ZNF407: variants seen among roughly 807,000 people sequenced by gnomAD.
ZNF407 encodes zinc finger protein 407.
ZNF407 carries 17 observed loss-of-function variants against 131.2 expected under a neutral mutation model. The observed-to-expected ratio is 0.13, with a 90% confidence interval of 0.09 to 0.19. The LOEUF (loss-of-function observed/expected upper bound fraction) is 0.19, where lower values mean the gene tolerates loss of function less well. Ranked by LOEUF, ZNF407 falls within the 10% of genes least tolerant of loss-of-function variation. The pLI, the probability that ZNF407 is intolerant of heterozygous loss-of-function variation, is 1.00. For missense variants in ZNF407, 2,681 were observed against 2,830.6 expected, an observed-to-expected ratio of 0.95 and a Z score of 1.20; for synonymous variants, 1,156 against 1,062.0, an observed-to-expected ratio of 1.09 and a Z score of -1.72.
intron 1 of ZNF407, among the ~76,000 whole-genome samples, chr18:74,616,174 G>A (rs943187783): frequency 3.9e-5 from 6 of 152,256 alleles, no homozygotes; most frequent in Middle Eastern, 6.8e-3. Context: ...TCTTTCATAC[G>A]TGACATTCTG....
chr18:74,718,189 C>G (rs1009577020), intron 3 of ZNF407, among the ~76,000 whole-genome samples: 10 of 151,894 alleles, frequency 6.6e-5, no homozygotes, highest in Admixed American at 2.0e-4. Context: ...TCAAAAGATT[C>G]CTGTGCTTTT....
At chr18:74,917,683 C>T (rs1477020758) in intron 7 of ZNF407, among the ~76,000 whole-genome samples, 1 of 152,164 alleles carries the variant, frequency 6.6e-6, no homozygotes, top group African/African-American at 2.4e-5. Context: ...TCCAAGTTAT[C>T]TCTTTCTTCC....
chr18:74,771,543 A>AAT lies in ZNF407; in HGVS notation c.4803-9885_4803-9884insAT, dbSNP rs1568208377. 4.0e-5 allele frequency among the ~76,000 whole-genome samples: 6 copies of AAT among 151,854 alleles called. No homozygotes were observed. In the East Asian group the frequency reaches 1.2e-3, roughly 29 times the overall value. ...ATATGTTATAAAAATGAAGTCTTTA[A>AAT]TAATTTCAGTTTTATATTATCTAAC... is the stretch of plus-strand genomic sequence containing the variant. On this transcript the variant is annotated intron_variant, in intron 3 of 8. Transcript: ENST00000299687.
intron 3 of ZNF407, among the ~76,000 whole-genome samples, chr18:74,692,169 G>A (rs1463186964): frequency 6.6e-6 from 1 of 151,970 alleles, no homozygotes; most frequent in African/African-American, 2.4e-5. Context: ...ATATATATAT[G>A]CCTGATGATG....
intron 3 of ZNF407, among the ~76,000 whole-genome samples, chr18:74,665,455 C>A (rs1214707380): frequency 6.6e-6 from 1 of 152,126 alleles, no homozygotes; most frequent in Non-Finnish European, 1.5e-5. Flanking sequence ...TAAAAGAGCC[C>A]ATGTGAGAGT....
chr18:74,812,575 GT>G (rs777729919), intron 4 of ZNF407, among the ~76,000 whole-genome samples: 2 of 152,172 alleles, frequency 1.3e-5, no homozygotes, highest in Non-Finnish European at 2.9e-5. Context: ...AGAGAAAGTT[GT>G]GTGAGCGTGT....
rs533976864 is a variant in ZNF407, at chr18:74,641,005, C to T, written c.4688-3C>T. 172 of 1,606,776 alleles carry T rather than the reference C, an allele frequency of 1.1e-4. No individual in the cohort carries two copies. Among genetic ancestry groups the T allele is most frequent in the Non-Finnish European group, 1.4e-4 (161 of 1,173,860 alleles). On this transcript the variant is annotated splice_region_variant and splice_polypyrimidine_tract_variant and intron_variant, in intron 2 of 8. Transcript: ENST00000299687. ...AATCATATTTTATGTTAAATTTACT[C>T]AGGATCAAAACCATTCAAGTGCAAG...
At chr18:74,859,246 T>C (rs1319043257) in intron 4 of ZNF407, among the ~76,000 whole-genome samples, 2 of 152,254 alleles carry the variant, frequency 1.3e-5, no homozygotes, top group African/African-American at 2.4e-5. Flanking sequence ...TTGTTTACCA[T>C]TATAAGTAAC....
chr18:74,816,715 T>C (rs1371169403), intron 4 of ZNF407, among the ~76,000 whole-genome samples: 2 of 152,226 alleles, frequency 1.3e-5, no homozygotes, highest in Admixed American at 1.3e-4. Context: ...TTCTAATAAG[T>C]ACCTAATCTG....
At chr18:74,692,122 G>GGTGT (rs374507240) in intron 3 of ZNF407, among the ~76,000 whole-genome samples, 2 of 150,902 alleles carry the variant, frequency 1.3e-5, no homozygotes, top group Admixed American at 6.6e-5. Context: ...TGCGTGTGTG[G>GGTGT]GTGTGTGTGT....
chr18:74,689,468 T>C (rs1036978773), intron 3 of ZNF407, among the ~76,000 whole-genome samples: 13 of 152,212 alleles, frequency 8.5e-5, no homozygotes, highest in Admixed American at 3.3e-4. Flanking sequence ...TCAATGAAAG[T>C]TAGAAATAAT....
At chr18:74,813,193 G>GT (rs2145091192) in intron 4 of ZNF407, among the ~76,000 whole-genome samples, 2 of 152,264 alleles carry the variant, frequency 1.3e-5, no homozygotes, top group East Asian at 3.9e-4. Flanking sequence ...TGCAGTTTTA[G>GT]TAAGACTTGG....
Position 74,920,658 on chromosome 18 carries a change from C to T in ZNF407, c.5394C>T (p.Asp1798=). 1.9e-6 allele frequency: 3 copies of T among 1,609,922 alleles called. No individual in the cohort carries two copies. The highest frequency in any genetic ancestry group is 2.5e-6 in the Non-Finnish European group (3 of 1,176,552). The stretch of plus-strand genomic sequence containing the variant: ...ACCATTTGAAGGAACAGCATCCTGA[C>T]ATCGAAAACCCGGACCTCGCTTACC... ...FRNHLKEQHP[D]IENPDLAYLH... The change falls in exon 8 of 9, where the codon GAC becomes GAT. Residue 1798 remains aspartate, a synonymous_variant. Transcript: ENST00000299687.
chr18:74,623,674 T>G lies in ZNF407; in HGVS notation c.-53-7293T>G, dbSNP rs115152887. Among the ~76,000 whole-genome samples the G allele has an allele frequency of 3.9e-3, 587 of 152,344 alleles. 1 individual carries two copies. The highest frequency in any genetic ancestry group is 0.013 in the African/African-American group (557 of 41,576). On this transcript the variant is annotated intron_variant, in intron 1 of 8. Coordinates refer to ENST00000299687, the MANE Select transcript of ZNF407 (RefSeq NM_017757.3). ...GAAGGCTGCGCTTGATTTATTATTG[T>G]TCTCAAAAAGTATTTTAATTTCTTT...
At chr18:74,649,693 T>G (rs1985139232) in intron 3 of ZNF407, among the ~76,000 whole-genome samples, 1 of 152,246 alleles carries the variant, frequency 6.6e-6, no homozygotes. Context: ...CCAGGACTTG[T>G]GACTCTCGGG....
chr18:74,635,479 A>G lies in ZNF407; in HGVS notation c.4460A>G (p.Lys1487Arg). 6.2e-7 allele frequency: 1 copy of G among 1,612,796 alleles called. No homozygotes were observed. The highest frequency in any genetic ancestry group is 1.3e-5 in the African/African-American group (1 of 75,044). Residue 1487 changes from lysine to arginine, a missense_variant, in exon 2 of 9, where the codon AAA becomes AGA. Physicochemically the swap from Lys to Arg is conservative, Grantham distance 26. Transcript: ENST00000299687. This position sits in a 1 kb window ranked among gnomAD's most constrained non-coding sequence, Gnocchi z 4.7. ...CTTCCGGAGGGAGGGGCCACCTTTA[A>G]ATGTGTCAAGTGCACAGAGCCCTTT... ...EELPEGGATF[K>R]CVKCTEPFDS...
At chr18:74,826,707 G>A (rs1277257275) in intron 4 of ZNF407, among the ~76,000 whole-genome samples, 2 of 152,086 alleles carry the variant, frequency 1.3e-5, no homozygotes, top group African/African-American at 2.4e-5. Context: ...CAAGCAGAGC[G>A]GGAATTTGGG....
At chr18:74,815,744 C>G (rs1013036801) in intron 4 of ZNF407, among the ~76,000 whole-genome samples, 1 of 152,190 alleles carries the variant, frequency 6.6e-6, no homozygotes, top group Non-Finnish European at 1.5e-5. Flanking sequence ...TGTACAGAGG[C>G]TGTGTGACAT....
At chr18:74,963,203 A>T (rs1016737131) in intron 8 of ZNF407, among the ~76,000 whole-genome samples, 14 of 151,482 alleles carry the variant, frequency 9.2e-5, no homozygotes, top group Non-Finnish European at 1.9e-4. Context: ...TACTGCAACA[A>T]ACCATTGGGT....
Sources: allele counts gnomAD v4.1 joint callset (sites outside exome capture counted in the v4.1 genomes callset), GRCh38; gene constraint gnomAD v4.1.1; non-coding constraint Gnocchi (gnomAD v3.1); transcripts MANE v1.5; gene names NCBI Gene and HGNC (gene_info 2026-07-23, HGNC 2026-07-21).